The following ITGB3 variants were observed in gnomAD, a reference collection of about 807,000 sequenced individuals.
ITGB3 encodes the protein integrin subunit beta 3.
A neutral mutation model predicts 85.8 loss-of-function variants in ITGB3; 48 were observed. The ratio of observed to expected loss-of-function variants is 0.56; its 90% confidence interval spans 0.44 to 0.71. The LOEUF is 0.71. ITGB3 is among the 30% of genes least tolerant of loss of function. The pLI is 0.00. For synonymous variants in ITGB3, 363 were observed against 395.6 expected, an observed-to-expected ratio of 0.92 and a Z score of 0.98; for missense variants, 861 against 1,019.1, an observed-to-expected ratio of 0.84 and a Z score of 2.11.
chr17:47,287,480 T>C (rs147962465), intron 6 of ITGB3, among the ~76,000 whole-genome samples: 18 of 152,312 alleles, frequency 1.2e-4, no homozygotes, highest in African/African-American at 4.1e-4. Context: ...AGCAGCAGCA[T>C]CATGGGATCC....
intron 14 of ITGB3, among the ~76,000 whole-genome samples, chr17:47,308,501 A>G (rs2065198861): frequency 6.6e-6 from 1 of 151,954 alleles, no homozygotes; most frequent in African/African-American, 2.4e-5. Flanking sequence ...GCCCACAGGA[A>G]TGTGTTTCTT....
At chr17:47,255,672 G>A (rs929794387) in intron 1 of ITGB3, among the ~76,000 whole-genome samples, 3 of 149,328 alleles carry the variant, frequency 2.0e-5, no homozygotes. Flanking sequence ...AGCCTGCCTT[G>A]GCCTCCCAAA....
intron 1 of ITGB3, among the ~76,000 whole-genome samples, chr17:47,266,178 C>A (rs1434496365): frequency 6.6e-6 from 1 of 152,116 alleles, no homozygotes; most frequent in Admixed American, 6.5e-5. Flanking sequence ...GGGAAGTGAG[C>A]AGTCAAAGGT....
At chr17:47,302,185 G>A (rs902904074) in intron 12 of ITGB3, among the ~76,000 whole-genome samples, 2 of 152,044 alleles carry the variant, frequency 1.3e-5, no homozygotes, top group African/African-American at 4.8e-5. Flanking sequence ...GGATAGCTCT[G>A]GGGAGGTATA....
chr17:47,291,589 A>G (rs2065125979), intron 9 of ITGB3: 1 of 265,536 alleles, frequency 3.8e-6, no homozygotes, highest in South Asian at 5.3e-5. Flanking sequence ...AAGAAAATAG[A>G]TCTTTGGATA....
At chr17:47,292,069 T>G in intron 9 of ITGB3, 70 bp from the exon 10 acceptor site, 1 of 1,556,088 alleles carries the variant, frequency 6.4e-7, no homozygotes, top group East Asian at 2.2e-5. Flanking sequence ...GAACAACTTT[T>G]TTTTTCCTCC....
rs1006805034 is a variant in ITGB3 at position 47,312,299 on chromosome 17, T to C, written c.*2095T>C. ...TCTATTCTGTATTATTGTGTTAACA[T>C]TGAGAATAAGCCTTGGAATTAGATA... On this transcript the variant is annotated 3_prime_UTR_variant, in exon 15 of 15. Transcript: ENST00000559488. Among the ~76,000 whole-genome samples the C allele has an allele frequency of 1.7e-4, 26 of 152,210 alleles. No individual in the cohort carries two copies. Among genetic ancestry groups the C allele is most frequent in the African/African-American group, 6.0e-4 (25 of 41,438 alleles).
At chr17:47,289,376 A>T (rs2065116585) in intron 6 of ITGB3, among the ~76,000 whole-genome samples, 1 of 151,522 alleles carries the variant, frequency 6.6e-6, no homozygotes, top group African/African-American at 2.4e-5. Flanking sequence ...CCCAGGCTGG[A>T]GTGCAGTGGT....
In ITGB3 at chr17:47,312,303, G is replaced by C. The variant is rs2065218468; in HGVS notation, c.*2099G>C. On this transcript the variant is annotated 3_prime_UTR_variant, in exon 15 of 15. Coordinates refer to ENST00000559488, the MANE Select transcript of ITGB3 (RefSeq NM_000212.3). ...TTCTGTATTATTGTGTTAACATTGA[G>C]AATAAGCCTTGGAATTAGATATGGG... Among the ~76,000 whole-genome samples, 1 of 152,166 alleles carries C rather than the reference G, an allele frequency of 6.6e-6. No individual in the cohort carries two copies. Among genetic ancestry groups the C allele is most frequent in the African/African-American group, 2.4e-5 (1 of 41,424 alleles).
chr17:47,253,905 T>TGGCGCTGGG lies in ITGB3; in HGVS notation c.53_61dup (p.Gly18_Leu20dup), dbSNP rs775716749. On this transcript the variant is annotated inframe_insertion, in exon 1 of 15. Transcript: ENST00000559488. ...CCCCGGCCGCTCTGGGCGACTGTGC[T>TGGCGCTGGG]GGCGCTGGGGGCGCTGGCGGGCGTT... 16 of 1,398,062 alleles carry TGGCGCTGGG rather than the reference T, an allele frequency of 1.1e-5. No homozygotes were observed. Among genetic ancestry groups the TGGCGCTGGG allele is most frequent in the South Asian group, 3.1e-5 (2 of 65,276 alleles). 86.6% of individuals were successfully genotyped at this position (1,398,062 alleles called of 1,614,324 possible).
intron 1 of ITGB3, among the ~76,000 whole-genome samples, chr17:47,257,174 T>C (rs1240365846): frequency 6.6e-6 from 1 of 152,228 alleles, no homozygotes; most frequent in Admixed American, 6.5e-5. Flanking sequence ...CTGCCATGTA[T>C]TGGAGGCAAA....
chr17:47,293,942 A>G (rs2065136922), intron 10 of ITGB3, among the ~76,000 whole-genome samples: 1 of 152,240 alleles, frequency 6.6e-6, no homozygotes, highest in African/African-American at 2.4e-5. Flanking sequence ...TAATCCATGC[A>G]GATACTCACT....
At chr17:47,272,770 TCTTTC>T (rs1394166671) in intron 1 of ITGB3, among the ~76,000 whole-genome samples, 19 of 135,514 alleles carry the variant, frequency 1.4e-4, no homozygotes, top group African/African-American at 4.9e-4. Context: ...TTCCTTTCTT[TCTTTC>T]CTTTTTTTTC....
intron 1 of ITGB3, among the ~76,000 whole-genome samples, chr17:47,262,677 T>C (rs577157126): frequency 2.0e-5 from 3 of 152,194 alleles, no homozygotes; most frequent in South Asian, 4.1e-4. Context: ...CTCAGTGGCA[T>C]TGGTTGGGTC....
At position 47,284,599 on chromosome 17, in the gene ITGB3, G is replaced by A; in HGVS notation, c.518G>A (p.Ser173Asn). The change falls in exon 4 of 15, where the codon AGT (serine) becomes AAT (asparagine). Residue 173 changes from serine (S) to asparagine (N), a missense_variant. Ser to Asn is a conservative substitution (Grantham distance 46). Transcript: ENST00000559488. ...KLATQMRKLT[S>N]NLRIGFGAFV... ...GCCACCCAGATGCGAAAGCTCACCA[G>A]TAACCTGCGGATTGGCTTCGGGGCA... The A allele has an allele frequency of 6.2e-7, 1 of 1,614,118 alleles. No individual in the cohort carries two copies. Among genetic ancestry groups the A allele is most frequent in the South Asian group, 1.1e-5 (1 of 91,058 alleles).
rs148648030 is a variant in ITGB3, at chr17:47,286,206, A to G, written c.615-54A>G. ...TCCCCTCTCTTTCCTCCCAATTCCC[A>G]TGCTGCCTTTTCCATGAAGGTGTCT... On this transcript the variant is annotated intron_variant, in intron 4 of 14. Transcript: ENST00000559488. 5.0e-6 allele frequency: 8 copies of G among 1,601,506 alleles called. No homozygotes were observed. The African/African-American group carries it at 6.7e-5, about 13-fold the overall frequency.
chr17:47,286,631 G>A (rs1385083667), intron 5 of ITGB3, among the ~76,000 whole-genome samples: 1 of 152,172 alleles, frequency 6.6e-6, no homozygotes, highest in Non-Finnish European at 1.5e-5. Context: ...AACCTCAGTG[G>A]TCTCAGATGT....
chr17:47,263,114 A>G (rs3892085), intron 1 of ITGB3, among the ~76,000 whole-genome samples: 12,449 of 152,222 alleles, frequency 0.082, 754 homozygotes, highest in East Asian at 0.25. Flanking sequence ...GAGGAAGGGC[A>G]AAGATGGCTT....
intron 1 of ITGB3, among the ~76,000 whole-genome samples, chr17:47,269,503 C>A (rs1010749219): frequency 6.6e-6 from 1 of 152,190 alleles, no homozygotes; most frequent in African/African-American, 2.4e-5. Context: ...AGTCTCTTTG[C>A]TAAAGCATAG....
Sources: allele counts gnomAD v4.1 joint callset (sites outside exome capture counted in the v4.1 genomes callset), GRCh38; gene constraint gnomAD v4.1.1; transcripts MANE v1.5; gene names NCBI Gene and HGNC (gene_info 2026-07-23, HGNC 2026-07-21).